The following PEBP4 variants were observed in gnomAD, a reference collection of about 807,000 sequenced individuals.
PEBP4 encodes phosphatidylethanolamine binding protein 4.
In PEBP4, 22 loss-of-function variants were observed where a neutral mutation model predicts 23.9. The ratio of observed to expected loss-of-function variants is 0.92; its 90% confidence interval spans 0.66 to 1.31. The LOEUF is 1.31. Among genes scored for constraint, PEBP4 ranks in the 40% most tolerant of loss-of-function variants. PEBP4 has a pLI of 0.00. For synonymous variants in PEBP4, 112 were observed against 99.3 expected, an observed-to-expected ratio of 1.13 and a Z score of -0.76; for missense variants, 324 against 281.7, an observed-to-expected ratio of 1.15 and a Z score of -1.07.
intron 3 of PEBP4, among the ~76,000 whole-genome samples, chr8:22,889,659 GTATGTTTTTATAAAGTGCAGAAA>G (rs61504565): frequency 0.81 from 122,165 of 150,930 alleles, 50,754 homozygotes; most frequent in East Asian, 1. Context: ...AGCATCTACC[GTATGTTTTTATAAAGTGCAGAAA>G]TATGTTTTTA....
upstream of PEBP4, among the ~76,000 whole-genome samples, chr8:22,928,339 CGAGGCCAGCTCCGA>C (rs1260840286): frequency 1.3e-5 from 2 of 152,170 alleles, no homozygotes; most frequent in African/African-American, 4.8e-5. Context: ...CACCCCAGAC[CGAGGCCAGCTCCGA>C]AGGGCCAGCT....
chr8:22,834,443 C>T (rs1394649655), intron 3 of PEBP4, among the ~76,000 whole-genome samples: 2 of 152,224 alleles, frequency 1.3e-5, no homozygotes, highest in Non-Finnish European at 2.9e-5. Context: ...AGGACAAAGA[C>T]ACATCCTGGG....
chr8:22,740,976 C>T (rs749554440), intron 4 of PEBP4, among the ~76,000 whole-genome samples: 5 of 152,160 alleles, frequency 3.3e-5, no homozygotes, highest in Non-Finnish European at 5.9e-5. Flanking sequence ...ACCTACCCTA[C>T]GTGAGGAGGG....
intron 4 of PEBP4, among the ~76,000 whole-genome samples, chr8:22,745,345 T>C (rs368763668): frequency 1.1e-3 from 172 of 152,198 alleles, no homozygotes; most frequent in African/African-American, 4.0e-3. Flanking sequence ...CCGCAGAGGA[T>C]TGGGGGAGTG....
At position 22,865,740 on chromosome 8, in the gene PEBP4, C is replaced by G. The variant is rs898826096; in HGVS notation, c.259-48005G>C. On this transcript the variant is annotated intron_variant, in intron 3 of 6. Transcript: ENST00000256404. This position sits in a 1 kb window ranked among gnomAD's most constrained non-coding sequence, Gnocchi z 6.9. ...GGGGAGAGGAATCTCCCCACCGGAT[C>G]TGGTGGGCGGAAGATGGGCCACGCG... Among the ~76,000 whole-genome samples, 4 of 152,272 alleles carry G rather than the reference C, an allele frequency of 2.6e-5. No homozygotes were observed. In the South Asian group the frequency reaches 6.2e-4, roughly 24 times the overall value.
chr8:22,813,098 A>T (rs530456271), intron 4 of PEBP4, among the ~76,000 whole-genome samples: 19 of 152,282 alleles, frequency 1.2e-4, no homozygotes, highest in Middle Eastern at 3.4e-3. Context: ...TATCTTATTC[A>T]CCTAAAGCAC....
rs377402580 is a variant in PEBP4, at chr8:22,918,724, G to A, written c.258+1460C>T. On this transcript the variant is annotated intron_variant, in intron 3 of 6. Coordinates refer to ENST00000256404, the MANE Select transcript of PEBP4 (RefSeq NM_144962.3). ...AGACAAGTGAATGGATGGTGAAGCC[G>A]AGAGTCCTGTCCCGCAGAGTAGCAT... is the stretch of plus-strand genomic sequence containing the variant. Among the ~76,000 whole-genome samples, 33 of 152,294 alleles carry A rather than the reference G, an allele frequency of 2.2e-4. 1 individual carries two copies. In the South Asian group the frequency reaches 6.8e-3, roughly 32 times the overall value.
chr8:22,785,269 T>C (rs1806005606), intron 4 of PEBP4, among the ~76,000 whole-genome samples: 2 of 152,176 alleles, frequency 1.3e-5, no homozygotes, highest in Non-Finnish European at 2.9e-5. Flanking sequence ...CCCTCAGCTG[T>C]CTTCAACCAA....
intron 3 of PEBP4, among the ~76,000 whole-genome samples, chr8:22,893,636 C>T (rs958232713): frequency 2.0e-4 from 30 of 152,000 alleles, no homozygotes; most frequent in African/African-American, 6.8e-4. Flanking sequence ...GAAGAGATAA[C>T]AATTTCATTG....
intron 4 of PEBP4, among the ~76,000 whole-genome samples, chr8:22,777,574 C>A (rs1447063487): frequency 6.6e-6 from 1 of 152,148 alleles, no homozygotes; most frequent in African/African-American, 2.4e-5. Flanking sequence ...GGACACTTAC[C>A]CCCTGGCTGC....
intron 4 of PEBP4, among the ~76,000 whole-genome samples, chr8:22,780,138 A>C (rs757639149): frequency 4.0e-5 from 6 of 151,832 alleles, no homozygotes; most frequent in Non-Finnish European, 7.4e-5. Flanking sequence ...TAATTTTTGT[A>C]TTTTTTTGTA....
intron 4 of PEBP4, among the ~76,000 whole-genome samples, chr8:22,755,427 C>T (rs1192585713): frequency 6.9e-6 from 1 of 145,662 alleles, no homozygotes; most frequent in Non-Finnish European, 1.5e-5. Context: ...CCTCTGCTTT[C>T]CGGGTTCAAG....
At position 22,724,939 on chromosome 8, in the gene PEBP4, G is replaced by GCT; in HGVS notation, c.420_421insAG (p.Pro141SerfsTer42). ...CGATGGAAGCCACTGTGTGCCGGTGGGGAGGGAGCCTGGTAGGCTATAGGT... is the reference window on the plus strand; with the variant it reads ...CGATGGAAGCCACTGTGTGCCGGTGGCTGGAGGGAGCCTGGTAGGCTATAGGT... On this transcript the variant is annotated frameshift_variant, in exon 6 of 7. Coordinates refer to ENST00000256404, the MANE Select transcript of PEBP4 (RefSeq NM_144962.3). LOFTEE classifies it high-confidence loss of function. The GCT allele has an allele frequency of 6.2e-7, 1 of 1,613,992 alleles. No homozygotes were observed. Among genetic ancestry groups the GCT allele is most frequent in the South Asian group, 1.1e-5 (1 of 91,068 alleles).
At chr8:22,816,538 T>A (rs1042726890) in intron 4 of PEBP4, among the ~76,000 whole-genome samples, 2 of 152,224 alleles carry the variant, frequency 1.3e-5, no homozygotes, top group African/African-American at 4.8e-5. Context: ...GTTGCAGAAT[T>A]ATTTGTTTTC....
intron 4 of PEBP4, among the ~76,000 whole-genome samples, chr8:22,749,583 T>G (rs1356751344): frequency 1.3e-5 from 2 of 152,156 alleles, no homozygotes; most frequent in African/African-American, 4.8e-5. Context: ...ACAGAGCATT[T>G]CCTTTCCTTC....
chr8:22,855,235 T>C (rs139541487), intron 3 of PEBP4, among the ~76,000 whole-genome samples: 1 of 152,268 alleles, frequency 6.6e-6, no homozygotes, highest in Non-Finnish European at 1.5e-5. Flanking sequence ...GTGCCCTGCA[T>C]GGGGTGAATG....
upstream of PEBP4, chr8:22,928,001 G>T (rs1809388586): frequency 2.6e-6 from 1 of 380,140 alleles, no homozygotes; most frequent in East Asian, 6.7e-5. Context: ...CTCTTGTCCT[G>T]GCTGCCAGGG....
intron 4 of PEBP4, among the ~76,000 whole-genome samples, chr8:22,773,952 G>C (rs370962522): frequency 3.3e-5 from 5 of 152,266 alleles, no homozygotes; most frequent in South Asian, 2.1e-4. Flanking sequence ...CTATACACAG[G>C]GGGTAGGGTA....
intron 4 of PEBP4, among the ~76,000 whole-genome samples, chr8:22,750,725 G>A (rs1449972503): frequency 6.6e-6 from 1 of 152,012 alleles, no homozygotes; most frequent in African/African-American, 2.4e-5. Flanking sequence ...CCATCCCTAG[G>A]GTCAAGCTTC....
Sources: allele counts gnomAD v4.1 joint callset (sites outside exome capture counted in the v4.1 genomes callset), GRCh38; gene constraint gnomAD v4.1.1; non-coding constraint Gnocchi (gnomAD v3.1); transcripts MANE v1.5; gene names NCBI Gene and HGNC (gene_info 2026-07-23, HGNC 2026-07-21).